HK2: variants seen among roughly 807,000 people sequenced by gnomAD.
The protein encoded by HK2 is hexokinase-2.
In HK2, 42 loss-of-function variants were observed where a neutral mutation model predicts 92.9. The observed-to-expected ratio is 0.45, with a 90% CI of 0.35 to 0.58. The LOEUF (loss-of-function observed/expected upper bound fraction) is 0.58. Ranked by LOEUF, HK2 falls within the 20% of genes least tolerant of loss-of-function variation. The pLI is 0.00. For missense variants in HK2, 978 were observed against 1,245.1 expected, an observed-to-expected ratio of 0.79 and a Z score of 3.23; for synonymous variants, 422 against 468.0, an observed-to-expected ratio of 0.90 and a Z score of 1.27.
At chr2:74,843,127 G>A (rs1446610924) in intron 1 of HK2, among the ~76,000 whole-genome samples, 1 of 152,132 alleles carries the variant, frequency 6.6e-6, no homozygotes, top group African/African-American at 2.4e-5. Context: ...CGCCATGATA[G>A]GTTTGGCCCC....
At chr2:74,841,254 A>G (rs1258596934) in intron 1 of HK2, among the ~76,000 whole-genome samples, 1 of 151,772 alleles carries the variant, frequency 6.6e-6, no homozygotes, top group Non-Finnish European at 1.5e-5. Flanking sequence ...TTTGGTTGTC[A>G]CAAAGGTTTG....
At chr2:74,846,639 T>A (rs1688447242) in intron 1 of HK2, among the ~76,000 whole-genome samples, 1 of 152,210 alleles carries the variant, frequency 6.6e-6, no homozygotes, top group Non-Finnish European at 1.5e-5. Flanking sequence ...CTGTATACTA[T>A]CTCTTGCACC....
rs1214696489 is a variant in HK2, at chr2:74,841,585, TG to T, written c.63+6945del. On this transcript the variant is annotated intron_variant, in intron 1 of 17. Coordinates refer to ENST00000290573, the MANE Select transcript of HK2 (RefSeq NM_000189.5). ...GTGCCATGTCTTGTGACCGTCATGG[TG>T]GGAAATGGGCTTCTACAAAAGACGA... is the stretch of plus-strand genomic sequence containing the variant. Among the ~76,000 whole-genome samples the T allele has an allele frequency of 1.1e-4, 16 of 152,256 alleles. No homozygotes were observed. In the East Asian group the frequency reaches 3.1e-3, roughly 29 times the overall value.
intron 2 of HK2, among the ~76,000 whole-genome samples, chr2:74,855,230 G>A (rs2103889143): frequency 1.3e-5 from 2 of 152,280 alleles, no homozygotes; most frequent in Non-Finnish European, 2.9e-5. Flanking sequence ...CCTGACCTCA[G>A]GTGATCCGCC....
intron 2 of HK2, among the ~76,000 whole-genome samples, chr2:74,857,197 C>T (rs1688715493): frequency 6.6e-6 from 1 of 152,212 alleles, no homozygotes; most frequent in African/African-American, 2.4e-5. Context: ...CTCCTCACCT[C>T]CATACTCTCT....
intron 1 of HK2, among the ~76,000 whole-genome samples, chr2:74,835,879 C>T (rs1688154286): frequency 6.6e-6 from 1 of 152,182 alleles, no homozygotes; most frequent in Non-Finnish European, 1.5e-5. Flanking sequence ...TGTGCGACAA[C>T]CTGCTCATAT....
At chr2:74,890,215 C>T (rs1053490144) in intron 17 of HK2, among the ~76,000 whole-genome samples, 2 of 152,176 alleles carry the variant, frequency 1.3e-5, no homozygotes, top group African/African-American at 4.8e-5. Flanking sequence ...GGGAGGGTGT[C>T]CTGACCCTGC....
intron 15 of HK2, among the ~76,000 whole-genome samples, chr2:74,887,151 A>T (rs1170698297): frequency 6.6e-6 from 1 of 152,258 alleles, no homozygotes; most frequent in African/African-American, 2.4e-5. Flanking sequence ...CACACTTCTC[A>T]TTAAGATGTT....
In HK2 at chr2:74,886,317, T is replaced by C. The variant is rs776309856; in HGVS notation, c.1959T>C (p.Ala653=). 1.2e-6 allele frequency: 2 copies of C among 1,614,206 alleles called. No homozygotes were observed. The highest frequency in any genetic ancestry group is 4.5e-5 in the East Asian group (2 of 44,882). ...RREEFDLDVV[A]VVNDTVGTMM... is the part of the protein sequence containing the mutation. The stretch of plus-strand genomic sequence containing the variant: ...AGGAGTTTGACCTGGATGTGGTTGC[T>C]GTGGTGAACGACACAGTCGGAACTA... Residue 653 remains alanine, a synonymous_variant, in exon 14 of 18, where the codon GCT becomes GCC. Coordinates refer to ENST00000290573, the MANE Select transcript of HK2 (RefSeq NM_000189.5).
At chr2:74,876,517 C>G (rs917286234) in intron 7 of HK2, among the ~76,000 whole-genome samples, 1 of 152,202 alleles carries the variant, frequency 6.6e-6, no homozygotes, top group Non-Finnish European at 1.5e-5. Context: ...GGGGCCGTCC[C>G]CTGCCTTTCT....
At chr2:74,868,689 C>G (rs769313822) in intron 3 of HK2, among the ~76,000 whole-genome samples, 1 of 152,062 alleles carries the variant, frequency 6.6e-6, no homozygotes, top group Non-Finnish European at 1.5e-5. Context: ...CCCGTTGCCT[C>G]GATCTCCTGC....
intron 2 of HK2, among the ~76,000 whole-genome samples, chr2:74,854,842 C>A (rs1457156772): frequency 6.6e-6 from 1 of 152,202 alleles, no homozygotes; most frequent in Admixed American, 6.5e-5. Context: ...CGCTCTGTGG[C>A]TCACCTGTGC....
chr2:74,860,227 GA>G (rs1573369127), intron 2 of HK2, among the ~76,000 whole-genome samples: 1 of 151,900 alleles, frequency 6.6e-6, no homozygotes, highest in East Asian at 1.9e-4. Flanking sequence ...TGGATGATGA[GA>G]AATTACTTAA....
At chr2:74,853,696 C>CAA (rs202112392) in intron 1 of HK2, among the ~76,000 whole-genome samples, 195 of 139,216 alleles carry the variant, frequency 1.4e-3, no homozygotes, top group African/African-American at 4.6e-3. Flanking sequence ...GATACCCTGT[C>CAA]AAAAAAAAAA....
In HK2 at chr2:74,877,281, A is replaced by G; in HGVS notation, c.991A>G (p.Thr331Ala). 6.2e-7 allele frequency: 1 copy of G among 1,614,164 alleles called. No homozygotes were observed. The highest frequency in any genetic ancestry group is 8.5e-7 in the Non-Finnish European group (1 of 1,180,032). ...GAAGCTCAGCCCAGAGCTTCTCAAC[A>G]CCGGTCGCTTTGAGACCAAAGACAT... ...GGKLSPELLN[T>A]GRFETKDISD... Residue 331 changes from threonine to alanine, a missense_variant, in exon 8 of 18, where the codon ACC becomes GCC. Thr to Ala is a moderately conservative substitution (Grantham distance 58). Around this residue, in one of 3 missense-constraint regions of HK2, gnomAD observed 742 missense variants for 922.5 expected, o/e 0.80. Coordinates refer to ENST00000290573, the MANE Select transcript of HK2 (RefSeq NM_000189.5).
chr2:74,868,368 G>T (rs1558797663), intron 3 of HK2, among the ~76,000 whole-genome samples: 1 of 152,084 alleles, frequency 6.6e-6, no homozygotes, highest in Non-Finnish European at 1.5e-5. Flanking sequence ...CCACTCCTAT[G>T]CCTGCACCAA....
chr2:74,835,186 G>A (rs889552656), intron 1 of HK2: 1 of 178,920 alleles, frequency 5.6e-6, no homozygotes, highest in Non-Finnish European at 1.2e-5. Context: ...GAAGGAGTAG[G>A]AAAGGGGCAG....
intron 15 of HK2, 110 bp downstream of exon 15, chr2:74,886,783 A>G (rs1689551279): frequency 8.9e-6 from 10 of 1,118,840 alleles, no homozygotes; most frequent in Non-Finnish European, 1.2e-5. Context: ...GTGAGATGTT[A>G]ATAAAGGAGG....
intron 1 of HK2, among the ~76,000 whole-genome samples, chr2:74,836,836 TAG>T (rs1688178417): frequency 1.3e-5 from 2 of 152,336 alleles, no homozygotes; most frequent in South Asian, 4.1e-4. Flanking sequence ...AGTATAACTT[TAG>T]AGTCTTTTGA....
Sources: gnomAD v4.1 joint callset for allele counts (sites outside exome capture counted in the v4.1 genomes callset) on GRCh38, gnomAD v4.1.1 for gene constraint, gnomAD v4.1.1 regional missense constraint, MANE v1.5 for transcripts, NCBI Gene and HGNC (gene_info 2026-07-23, HGNC 2026-07-21) for gene names.